Variants in SYNE1 observed in about 807,000 individuals in gnomAD.
SYNE1 encodes nesprin-1.
A neutral mutation model predicts 1,111.0 loss-of-function variants in SYNE1; 616 were observed. The ratio of observed to expected loss-of-function variants is 0.55; its 90% CI spans 0.52 to 0.59. The LOEUF is 0.59. Ranked by LOEUF, SYNE1 falls within the 20% of genes least tolerant of loss-of-function variation. The pLI is 0.00. For synonymous variants in SYNE1, 3,855 were observed against 3,825.8 expected (o/e 1.01, Z -0.28); for missense variants, 10,006 against 10,417.0 (o/e 0.96, Z 1.72).
intron 87 of SYNE1, among the ~76,000 whole-genome samples, chr6:152,313,385 A>T: frequency 6.6e-6 from 1 of 152,120 alleles, no homozygotes; most frequent in South Asian, 2.1e-4. Flanking sequence ...TCATTTACCC[A>T]GCCCCTATTC....
chr6:152,502,022 T>G (rs2099032451), intron 10 of SYNE1, among the ~76,000 whole-genome samples: 1 of 152,164 alleles, frequency 6.6e-6, no homozygotes, highest in Non-Finnish European at 1.5e-5. Flanking sequence ...TTCTCTAGTA[T>G]AGGTTCTCTC....
intron 78 of SYNE1, among the ~76,000 whole-genome samples, chr6:152,329,459 G>A (rs1444926922): frequency 2.6e-5 from 4 of 152,158 alleles, no homozygotes; most frequent in African/African-American, 9.7e-5. Flanking sequence ...CCCAGGAGGC[G>A]GAGGTTGCAG....
intron 130 of SYNE1, among the ~76,000 whole-genome samples, chr6:152,175,404 A>T (rs576353670): frequency 6.6e-6 from 1 of 152,330 alleles, no homozygotes; most frequent in East Asian, 1.9e-4. Flanking sequence ...CGCAGAGGAC[A>T]TTGTTTCACG....
intron 5 of SYNE1, among the ~76,000 whole-genome samples, chr6:152,524,407 C>T (rs2099154056): frequency 6.6e-6 from 1 of 152,028 alleles, no homozygotes; most frequent in Non-Finnish European, 1.5e-5. Context: ...TCTTGAATAC[C>T]TACATGAATA....
At chr6:152,441,385 C>G (rs907343188) in intron 31 of SYNE1, 115 bp from the exon 32 acceptor site, 66 of 1,114,450 alleles carry the variant, frequency 5.9e-5, no homozygotes, top group Non-Finnish European at 8.5e-5. Context: ...AAATTTCACA[C>G]AGTCACAATG....
chr6:152,463,220 A>T (rs574043616), intron 19 of SYNE1, 133 bp downstream of exon 19: 2 of 1,258,438 alleles, frequency 1.6e-6, no homozygotes, highest in African/African-American at 3.0e-5. Flanking sequence ...ACCATAAAAC[A>T]CACCGGTTTT....
chr6:152,378,264 G>A (rs1241422073), intron 56 of SYNE1, among the ~76,000 whole-genome samples: 1 of 152,140 alleles, frequency 6.6e-6, no homozygotes, highest in African/African-American at 2.4e-5. Context: ...TACTCAAATA[G>A]CTTTGCTGTG....
intron 2 of SYNE1, among the ~76,000 whole-genome samples, chr6:152,629,533 G>GGA: frequency 2.6e-5 from 3 of 117,278 alleles, no homozygotes; most frequent in Non-Finnish European, 3.6e-5. Context: ...GGGGGGGGGG[G>GGA]GGGGAGGGGG....
intron 118 of SYNE1, among the ~76,000 whole-genome samples, 176 bp from the exon 119 acceptor site, chr6:152,221,222 T>C (rs1052947585): frequency 6.6e-6 from 1 of 152,230 alleles, no homozygotes; most frequent in African/African-American, 2.4e-5. Context: ...ATGAGGATGA[T>C]GGCAATCTTT....
At chr6:152,225,250 C>T (rs1331668326) in intron 116 of SYNE1, among the ~76,000 whole-genome samples, 1 of 149,886 alleles carries the variant, frequency 6.7e-6, no homozygotes, top group Non-Finnish European at 1.5e-5. Flanking sequence ...ATAGCTATAA[C>T]AATATCCATA....
rs755015607 is a variant in SYNE1 at position 152,330,071 on chromosome 6, T to C, written c.14614A>G (p.Ile4872Val). The C allele has an allele frequency of 6.2e-7, 1 of 1,614,150 alleles. No individual in the cohort carries two copies. The highest frequency in any genetic ancestry group is 8.5e-7 in the Non-Finnish European group (1 of 1,180,004). ...TCACATTCTGTCACCGTCTCACCAA[T>C]GGCAGAAGTCAACAGTTTTAACTCC... ...QGELKLLTSA[I>V]GETVTECESR... Residue 4872 changes from isoleucine (I) to valine (V), a missense_variant, in exon 78 of 146, where the codon ATT becomes GTT. By Grantham distance (29) the Ile-to-Val change is conservative. Around this residue, in one of 7 missense-constraint regions of SYNE1, gnomAD observed 4,955 missense variants for 5,017.2 expected, o/e 0.99. Transcript: ENST00000367255.
chr6:152,539,813 A>C, intron 4 of SYNE1, 147 bp downstream of exon 4: 1 of 899,254 alleles, frequency 1.1e-6, no homozygotes, highest in Non-Finnish European at 1.8e-6. Flanking sequence ...TTCCACTCTT[A>C]GGCAACAGCT....
At chr6:152,151,087 T>C (rs970475787) in intron 135 of SYNE1, among the ~76,000 whole-genome samples, 1 of 151,550 alleles carries the variant, frequency 6.6e-6, no homozygotes, top group Admixed American at 6.6e-5. Flanking sequence ...CCGGACTTGG[T>C]GGTATGTGCC....
chr6:152,628,576 G>C, intron 2 of SYNE1, 22 bp from the exon 3 acceptor site: 1 of 523,780 alleles, frequency 1.9e-6, no homozygotes, highest in South Asian at 2.5e-5. Flanking sequence ...AAAAGAAAAG[G>C]TACAACATAA....
In SYNE1 at chr6:152,409,665, T is replaced by C. The variant is rs1289475322; in HGVS notation, c.6275A>G (p.Gln2092Arg). 2 of 1,613,780 alleles carry C rather than the reference T, an allele frequency of 1.2e-6. No homozygotes were observed. The highest frequency in any genetic ancestry group is 1.7e-5 in the Admixed American group (1 of 60,008). ...TTTAGATACAGCTGATTTCAGGTTC[T>C]GATATTCTCTCATTAAGTCAATAAG... Reference protein sequence around the residue: ...CGLIDLMREYQNLKSAVSKVL... With the variant: ...CGLIDLMREYRNLKSAVSKVL... The change falls in exon 43 of 146, where the codon CAG (glutamine) becomes CGG (arginine). Residue 2092 changes from glutamine to arginine, a missense_variant. By Grantham distance (43) the Gln-to-Arg change is conservative (BLOSUM62 1). Coordinates refer to ENST00000367255, the MANE Select transcript of SYNE1 (RefSeq NM_182961.4).
intron 70 of SYNE1, 152 bp from the exon 71 acceptor site, chr6:152,350,922 G>T: frequency 1.1e-6 from 1 of 913,912 alleles, no homozygotes; most frequent in Non-Finnish European, 1.7e-6. Flanking sequence ...AAGAGAGAGT[G>T]ATTTATTAAG....
In SYNE1 at chr6:152,213,759, G is replaced by C; in HGVS notation, c.22347C>G (p.Ser7449Arg). 6.2e-7 allele frequency: 1 copy of C among 1,614,028 alleles called. No individual in the cohort carries two copies. The highest frequency in any genetic ancestry group is 8.5e-7 in the Non-Finnish European group (1 of 1,179,970). The change falls in exon 123 of 146, where the codon AGC (serine) becomes AGG (arginine). Residue 7449 changes from serine (S) to arginine (R), a missense_variant and splice_region_variant. Physicochemically the swap from Ser to Arg is moderately radical, Grantham distance 110. This residue lies in a region of SYNE1 where 2,182 missense variants were observed against 2,287.8 expected (regional missense o/e 0.95). Transcript: ENST00000367255. ...LISSQTTERF[S>R]KLQSFLLQHQ... The stretch of plus-strand genomic sequence containing the variant: ...GTTGTAGCAAAAATGACTGCAACTT[G>C]CTGAAAGAACAAAGGGCAAGGAACA...
chr6:152,540,071 G>A, intron 3 of SYNE1, 50 bp from the exon 4 acceptor site: 1 of 1,571,228 alleles, frequency 6.4e-7, no homozygotes, highest in Non-Finnish European at 8.8e-7. Context: ...TCATGAAGCT[G>A]TATAATGAGA....
chr6:152,302,806 G>GT (rs1166476011), intron 91 of SYNE1, among the ~76,000 whole-genome samples: 10 of 151,906 alleles, frequency 6.6e-5, no homozygotes, highest in Non-Finnish European at 1.0e-4. Context: ...AAAAATAATT[G>GT]TTTTTTTGTT....
Sources: gnomAD v4.1 joint callset for allele counts (sites outside exome capture counted in the v4.1 genomes callset) on GRCh38, gnomAD v4.1.1 for gene constraint, gnomAD v4.1.1 regional missense constraint, MANE v1.5 for transcripts, NCBI Gene and HGNC (gene_info 2026-07-23, HGNC 2026-07-21) for gene names.